The following SDHA variants were observed in gnomAD, a reference collection of about 807,000 sequenced individuals.
SDHA encodes succinate dehydrogenase [ubiquinone] flavoprotein subunit, mitochondrial.
In SDHA, 48 loss-of-function variants were observed where a neutral mutation model predicts 78.4. The observed-to-expected ratio is 0.61, with a 90% confidence interval of 0.49 to 0.78. The LOEUF is 0.78. Ranked by LOEUF, SDHA falls within the 30% of genes least tolerant of loss-of-function variation. The probability of loss-of-function intolerance (pLI) is 0.00; values close to 1 mark genes in which losing one functional copy is unlikely to be tolerated. For missense variants in SDHA, 680 were observed against 892.7 expected, an observed-to-expected ratio of 0.76 and a Z score of 3.04; for synonymous variants, 326 against 353.9, an observed-to-expected ratio of 0.92 and a Z score of 0.88.
At chr5:255,541 C>T (rs1246779083) in intron 14 of SDHA, among the ~76,000 whole-genome samples, 1 of 151,982 alleles carries the variant, frequency 6.6e-6, no homozygotes, top group Non-Finnish European at 1.5e-5. Flanking sequence ...ACTGCAGCCT[C>T]AACCTCCCCC....
At chr5:232,047 G>T (rs1237843104) in intron 7 of SDHA, among the ~76,000 whole-genome samples, 1 of 152,026 alleles carries the variant, frequency 6.6e-6, no homozygotes, top group Non-Finnish European at 1.5e-5. Context: ...TCTTGTTTGA[G>T]GTGACTTGTC....
chr5:261,082 C>T (rs1475995022), downstream of SDHA, among the ~76,000 whole-genome samples: 2 of 9,756 alleles, frequency 2.1e-4, no homozygotes, highest in Non-Finnish European at 4.5e-4. Flanking sequence ...CGAGCATTAC[C>T]GTGTGAGCTC....
At chr5:261,652 C>T (rs1172484010), downstream of SDHA, among the ~76,000 whole-genome samples, 8 of 90,386 alleles carry the variant, frequency 8.9e-5, no homozygotes, top group East Asian at 1.2e-3. Flanking sequence ...CCCCACAGAG[C>T]ATTACCGTGT....
At position 224,514 on chromosome 5, in the gene SDHA, C is replaced by T. The variant is rs1240528592; in HGVS notation, c.305C>T (p.Ala102Val). The change falls in exon 3 of 15, where the codon GCA (alanine) becomes GTA (valine). Residue 102 changes from alanine to valine, a missense_variant. Ala to Val is a moderately conservative substitution (Grantham distance 64). Transcript: ENST00000264932. ...TTTCCTACCAGGTCACACACTGTTG[C>T]AGCACAGGTAAGAGAAAGGTGCCCC... ...KLFPTRSHTV[A>V]AQGGINAALG... 3.2e-5 allele frequency: 51 copies of T among 1,612,384 alleles called. No individual in the cohort carries two copies. Among genetic ancestry groups the T allele is most frequent in the Non-Finnish European group, 4.2e-5 (49 of 1,179,810 alleles).
At chr5:257,829 C>T (rs394664), downstream of SDHA, among the ~76,000 whole-genome samples, 1 of 55,430 alleles carries the variant, frequency 1.8e-5, no homozygotes, top group Non-Finnish European at 3.7e-5. Flanking sequence ...TGAGCTCCAC[C>T]CCCTGCCAGA....
At chr5:263,887 G>A in the SDHA span, among the ~76,000 whole-genome samples, 1 of 152,160 alleles carries the variant, frequency 6.6e-6, no homozygotes, top group Non-Finnish European at 1.5e-5. Flanking sequence ...AAAATGAAAG[G>A]ACTTTACTCA....
the SDHA span, among the ~76,000 whole-genome samples, chr5:266,844 T>G: frequency 0.023 from 2,221 of 96,274 alleles, 57 homozygotes; most frequent in African/African-American, 0.077. Context: ...ATTCAGACCC[T>G]CGCCGTCCCG....
At chr5:218,873 C>T (rs1734545134) in intron 1 of SDHA, among the ~76,000 whole-genome samples, 1 of 152,078 alleles carries the variant, frequency 6.6e-6, no homozygotes, top group South Asian at 2.1e-4. Context: ...AGGAGCAGCC[C>T]GCAGCCCGTG....
intron 1 of SDHA, among the ~76,000 whole-genome samples, chr5:218,738 G>A (rs577575803): frequency 1.3e-5 from 2 of 152,328 alleles, no homozygotes; most frequent in African/African-American, 4.8e-5. Context: ...GTAGCCCCTC[G>A]CCTCAGTGCC....
At chr5:235,848 C>T (rs529474921) in intron 9 of SDHA, 77 of 258,680 alleles carry the variant, frequency 3.0e-4, no homozygotes, top group Middle Eastern at 1.5e-3. Flanking sequence ...GGTGAGGGCC[C>T]CGGGAACATG....
chr5:220,960 C>T (rs1734681493), intron 1 of SDHA, among the ~76,000 whole-genome samples: 1 of 152,024 alleles, frequency 6.6e-6, no homozygotes, highest in South Asian at 2.1e-4. Flanking sequence ...CTACAGGCAC[C>T]TGCCATCATG....
At chr5:265,876 G>C in the SDHA span, among the ~76,000 whole-genome samples, 1 of 151,562 alleles carries the variant, frequency 6.6e-6, no homozygotes, top group Non-Finnish European at 1.5e-5. Context: ...TCTCTAACCT[G>C]TGTAACAGGA....
At chr5:224,921 T>C in intron 3 of SDHA, 1 of 346,598 alleles carries the variant, frequency 2.9e-6, no homozygotes, top group South Asian at 2.6e-5. Context: ...CTCTGAGGGG[T>C]AAGACAGTGG....
At chr5:245,336 A>C (rs1736377601) in intron 11 of SDHA, among the ~76,000 whole-genome samples, 1 of 152,166 alleles carries the variant, frequency 6.6e-6, no homozygotes, top group African/African-American at 2.4e-5. Flanking sequence ...GATTTAAAAG[A>C]CTGTTTCTTT....
chr5:258,949 C>T (rs548673803), downstream of SDHA, among the ~76,000 whole-genome samples: 2 of 43,646 alleles, frequency 4.6e-5, no homozygotes, highest in East Asian at 6.4e-4. Flanking sequence ...CGTGTGAGCT[C>T]CGCCTCCCGT....
chr5:225,160 C>T (rs999167739), intron 3 of SDHA, among the ~76,000 whole-genome samples: 1 of 152,148 alleles, frequency 6.6e-6, no homozygotes, highest in African/African-American at 2.4e-5. Context: ...CTCCAGTCAG[C>T]CCTTCCTGGA....
At chr5:266,283 A>G in the SDHA span, among the ~76,000 whole-genome samples, 1 of 152,252 alleles carries the variant, frequency 6.6e-6, no homozygotes, top group African/African-American at 2.4e-5. Flanking sequence ...CAAACATTTA[A>G]GTGTTAGGAC....
chr5:250,870 T>G, intron 11 of SDHA, 122 bp from the exon 12 acceptor site: 2 of 855,446 alleles, frequency 2.3e-6, no homozygotes, highest in South Asian at 2.9e-5. Flanking sequence ...ATTTCCTAAT[T>G]TTTCTGTTTA....
chr5:223,616 G>T lies in SDHA; in HGVS notation c.150+48G>T, dbSNP rs190086340. On this transcript the variant is annotated intron_variant, in intron 2 of 14. Transcript: ENST00000264932. ...ATTATAAATGATTTTTTTGGCTTAG[G>T]GGGTAAGGATCTATACCAGTTTGTT... 3.7e-5 allele frequency: 53 copies of T among 1,450,478 alleles called. No homozygotes were observed. In the African/African-American group the frequency reaches 5.6e-4, roughly 15 times the overall value. The allele number at this position is 1,450,478 out of a possible 1,614,324, so 89.9% of individuals were successfully genotyped here. A position where few individuals can be genotyped will look rare whatever the true frequency, so the allele number is the denominator to read the frequency against.
Sources: gnomAD v4.1 joint callset for allele counts (sites outside exome capture counted in the v4.1 genomes callset) on GRCh38, gnomAD v4.1.1 for gene constraint, MANE v1.5 for transcripts, NCBI Gene and HGNC (gene_info 2026-07-23, HGNC 2026-07-21) for gene names.